NDRG2: variants seen among roughly 807,000 people sequenced by gnomAD.
NDRG2 encodes the protein protein NDRG2.
A neutral mutation model predicts 58.2 loss-of-function variants in NDRG2; 34 were observed. The ratio of observed to expected loss-of-function variants is 0.58; its 90% confidence interval spans 0.44 to 0.78. NDRG2 has a LOEUF of 0.78. NDRG2 is among the 30% of genes least tolerant of loss of function. The probability of loss-of-function intolerance (pLI) is 0.00; values close to 1 mark genes in which losing one functional copy is unlikely to be tolerated. For missense variants in NDRG2, 434 were observed against 471.2 expected, an observed-to-expected ratio of 0.92 and a Z score of 0.73; for synonymous variants, 187 against 175.9, an observed-to-expected ratio of 1.06 and a Z score of -0.50.
intron 1 of NDRG2, among the ~76,000 whole-genome samples, chr14:21,069,552 G>A (rs2139182665): frequency 6.6e-6 from 1 of 152,346 alleles, no homozygotes; most frequent in East Asian, 1.9e-4. Context: ...TAAGCATCCC[G>A]ATCCGGGAAC....
chr14:21,046,542 AATACATACATACATACATACATAC>A (rs71112542), intron 1 of NDRG2, among the ~76,000 whole-genome samples: 2 of 109,984 alleles, frequency 1.8e-5, no homozygotes, highest in Admixed American at 9.9e-5. Flanking sequence ...TCTCAAAACA[AATACATACATACATACATACATAC>A]ATACATACAT....
chr14:21,057,618 C>CATATATATATATAT lies in NDRG2; in HGVS notation c.24+13196_24+13209dup, dbSNP rs57420807. Among the ~76,000 whole-genome samples, 166 of 122,904 alleles carry CATATATATATATAT rather than the reference C, an allele frequency of 1.4e-3. 5 individuals are homozygous for CATATATATATATAT. Among genetic ancestry groups the CATATATATATATAT allele is most frequent in the African/African-American group, 2.7e-3 (82 of 29,884 alleles). The allele number at this position is 122,904 out of a possible 152,430, so 80.6% of individuals were successfully genotyped here. On this transcript the variant is annotated intron_variant, in intron 1 of 14. Coordinates refer to the NDRG2 transcript ENST00000403829. ...TAACTTTCCTGAGCCTCATTTTATTCATATATATATATATATATGTGAGAA... is the reference window on the plus strand; with the variant it reads ...TAACTTTCCTGAGCCTCATTTTATTCATATATATATATATATATATATATATATATATGTGAGAA...
upstream of NDRG2, chr14:21,028,637 G>A (rs1237155784): frequency 6.6e-6 from 1 of 152,112 alleles, no homozygotes; most frequent in South Asian, 2.1e-4. Context: ...TATATCTTGA[G>A]CCACAGAATA....
At chr14:21,059,510 T>C in intron 1 of NDRG2, among the ~76,000 whole-genome samples, 1 of 152,138 alleles carries the variant, frequency 6.6e-6, no homozygotes, top group East Asian at 1.9e-4. Flanking sequence ...TGCTTTTTGT[T>C]TTGAGACAGG....
upstream of NDRG2, chr14:21,030,662 C>G: frequency 6.2e-7 from 1 of 1,614,126 alleles, no homozygotes; most frequent in South Asian, 1.1e-5. Flanking sequence ...AAATGAACAA[C>G]AAGAACTTCT....
At chr14:21,030,633 T>A, upstream of NDRG2, 3 of 1,614,020 alleles carry the variant, frequency 1.9e-6, no homozygotes, top group African/African-American at 1.3e-5. Flanking sequence ...GTTTGGAGAA[T>A]CATCAAGCAG....
chr14:21,056,580 T>G (rs1035616307), intron 1 of NDRG2, among the ~76,000 whole-genome samples: 1 of 152,200 alleles, frequency 6.6e-6, no homozygotes, highest in Non-Finnish European at 1.5e-5. Flanking sequence ...AGAGGAGACT[T>G]TCTCTTAAAT....
intron 1 of NDRG2, among the ~76,000 whole-genome samples, chr14:21,047,996 C>T (rs908000946): frequency 6.6e-6 from 1 of 152,166 alleles, no homozygotes; most frequent in African/African-American, 2.4e-5. Context: ...CTTTGGCCCT[C>T]TTCATAGTGT....
In NDRG2 at chr14:21,024,767, C is replaced by A; in HGVS notation, c.-744G>T. ...CGGAACCCGTCCCTACGAGTCCCTA[C>A]GCAGCCCGTCCGCGTGGAGACTGAC... On this transcript the variant is annotated 5_prime_UTR_variant, in exon 1 of 16. Transcript: ENST00000556147. 2.0e-6 allele frequency: 2 copies of A among 985,562 alleles called. No individual in the cohort carries two copies. Among genetic ancestry groups the A allele is most frequent in the Non-Finnish European group, 2.4e-6 (2 of 830,046 alleles). 61.1% of individuals were successfully genotyped at this position (985,562 alleles called of 1,614,324 possible). A position where few individuals can be genotyped will look rare whatever the true frequency, so the allele number is the denominator to read the frequency against.
intron 1 of NDRG2, among the ~76,000 whole-genome samples, chr14:21,038,518 G>C (rs762300436): frequency 2.6e-5 from 4 of 152,202 alleles, no homozygotes; most frequent in Non-Finnish European, 4.4e-5. Context: ...GGTCACCCTG[G>C]CTTGGAAATG....
chr14:21,032,346 T>C (rs1397005631), intron 1 of NDRG2: 1 of 558,566 alleles, frequency 1.8e-6, no homozygotes, highest in Non-Finnish European at 3.4e-6. Context: ...GATGGAAGAA[T>C]ATATTTGGAG....
chr14:21,031,237 C>T, intron 1 of NDRG2: 2 of 1,554,504 alleles, frequency 1.3e-6, no homozygotes, highest in Non-Finnish European at 1.7e-6. Flanking sequence ...CCTCCCTAAC[C>T]CTGCCAACTG....
chr14:21,032,183 C>A, intron 1 of NDRG2: 1 of 1,191,172 alleles, frequency 8.4e-7, no homozygotes, highest in Non-Finnish European at 1.2e-6. Context: ...AAATCTCTGT[C>A]TGTGAGGGAC....
At chr14:21,059,971 G>C (rs974803605) in intron 1 of NDRG2, among the ~76,000 whole-genome samples, 2 of 152,042 alleles carry the variant, frequency 1.3e-5, no homozygotes, top group Non-Finnish European at 1.5e-5. Flanking sequence ...ACCCCCATAT[G>C]CATATACATA....
At chr14:21,062,097 A>G (rs1173010633) in intron 1 of NDRG2, among the ~76,000 whole-genome samples, 1 of 152,260 alleles carries the variant, frequency 6.6e-6, no homozygotes, top group Non-Finnish European at 1.5e-5. Context: ...GTTAAACATA[A>G]AAGCTTAAGG....
intron 1 of NDRG2, among the ~76,000 whole-genome samples, chr14:21,039,288 C>A (rs1884785333): frequency 6.6e-6 from 1 of 152,222 alleles, no homozygotes; most frequent in Non-Finnish European, 1.5e-5. Context: ...AACTTAAACA[C>A]ACACACAACA....
At chr14:21,022,755 T>C (rs905182329) in intron 3 of NDRG2, 109 bp downstream of exon 3, 20 of 1,085,580 alleles carry the variant, frequency 1.8e-5, no homozygotes, top group African/African-American at 1.7e-4. Context: ...AGGACTAGAA[T>C]AGAAGGAAAG....
intron 1 of NDRG2, chr14:21,031,764 C>T (rs1424823468): frequency 1.9e-6 from 2 of 1,044,106 alleles, no homozygotes; most frequent in Non-Finnish European, 2.8e-6. Flanking sequence ...CCTAAGAAAG[C>T]AGCACCCCAT....
intron 1 of NDRG2, chr14:21,046,936 G>A (rs1327317682): frequency 6.6e-6 from 1 of 152,422 alleles, no homozygotes; most frequent in African/African-American, 2.4e-5. Flanking sequence ...GGAGGCTGAG[G>A]AGGAGAAGGA....
Sources: allele counts gnomAD v4.1 joint callset (sites outside exome capture counted in the v4.1 genomes callset), GRCh38; gene constraint gnomAD v4.1.1; transcripts MANE v1.5; gene names NCBI Gene and HGNC (gene_info 2026-07-23, HGNC 2026-07-21).